Variants in CDH13 observed in about 807,000 individuals in gnomAD.
CDH13 encodes the protein cadherin-13.
Under a neutral mutation model 63.8 loss-of-function variants are expected in CDH13, and 24 were observed. The ratio of observed to expected loss-of-function variants is 0.38; its 90% CI spans 0.27 to 0.53. The LOEUF is 0.53. CDH13 is among the 20% of genes least tolerant of loss of function. CDH13 has a pLI of 0.85. For synonymous variants in CDH13, 503 were observed against 355.3 expected (o/e 1.42, Z -4.67); for missense variants, 1,049 against 903.1 (o/e 1.16, Z -2.07).
intron 10 of CDH13, among the ~76,000 whole-genome samples, chr16:83,709,021 C>T (rs1047510721): frequency 6.6e-6 from 1 of 151,836 alleles, no homozygotes; most frequent in Non-Finnish European, 1.5e-5. Context: ...GAGACCCTGT[C>T]TCAAAAAATT....
chr16:83,334,355 TCTCTCTCACACACACA>T (rs1423252786), intron 5 of CDH13, among the ~76,000 whole-genome samples: 1 of 56,272 alleles, frequency 1.8e-5, no homozygotes. Context: ...TCTCTCTCTC[TCTCTCTCACACACACA>T]CACACACACA....
At position 83,485,893 on chromosome 16, in the gene CDH13, AGCACCCTTGGAGGCCGAG is replaced by A. The variant is rs2073875843; in HGVS notation, c.782-580_782-563del. Among the ~76,000 whole-genome samples, 4 of 152,320 alleles carry A rather than the reference AGCACCCTTGGAGGCCGAG, an allele frequency of 2.6e-5. No homozygotes were observed. The South Asian group carries it at 8.3e-4, about 32-fold the overall frequency. On this transcript the variant is annotated intron_variant, in intron 6 of 13. Coordinates refer to ENST00000567109, the MANE Select transcript of CDH13 (RefSeq NM_001257.5). ...TGGCTAGATGGAATCTTGTAATCCC[AGCACCCTTGGAGGCCGAG>A]GCAGGTGGATCAGCTGAGGTCAGGA...
At chr16:83,324,733 A>G (rs996469419) in intron 5 of CDH13, among the ~76,000 whole-genome samples, 1 of 152,218 alleles carries the variant, frequency 6.6e-6, no homozygotes, top group African/African-American at 2.4e-5. Context: ...GTGTGGGGAC[A>G]CATGTTTTTA....
chr16:83,009,630 G>A (rs1407951186), intron 2 of CDH13, among the ~76,000 whole-genome samples: 1 of 152,102 alleles, frequency 6.6e-6, no homozygotes, highest in Non-Finnish European at 1.5e-5. Context: ...TATTCTCTCT[G>A]CATATTTAAT....
intron 3 of CDH13, chr16:83,032,452 A>G: frequency 1.9e-6 from 1 of 514,194 alleles, no homozygotes; most frequent in Non-Finnish European, 3.5e-6. Context: ...TATTTTAGGG[A>G]TACTTCTGCC....
intron 1 of CDH13, among the ~76,000 whole-genome samples, chr16:82,726,290 T>G (rs2151028742): frequency 6.6e-6 from 1 of 152,258 alleles, no homozygotes; most frequent in Middle Eastern, 3.4e-3. Flanking sequence ...CTATAAGATC[T>G]TCATCACAGC....
intron 3 of CDH13, among the ~76,000 whole-genome samples, chr16:83,093,721 G>A (rs1008200433): frequency 1.3e-5 from 2 of 152,156 alleles, no homozygotes; most frequent in African/African-American, 4.8e-5. Context: ...GAATTTGCTA[G>A]GCGCTTGTAC....
chr16:83,332,453 C>G (rs1260531075), intron 5 of CDH13, among the ~76,000 whole-genome samples: 1 of 151,998 alleles, frequency 6.6e-6, no homozygotes, highest in Non-Finnish European at 1.5e-5. Context: ...AACAAAATGA[C>G]TTTAAAACTG....
chr16:83,222,109 C>T (rs2039717488), intron 5 of CDH13, among the ~76,000 whole-genome samples: 1 of 152,228 alleles, frequency 6.6e-6, no homozygotes, highest in African/African-American at 2.4e-5. Context: ...GTCTATCACA[C>T]TCAATTCTAG....
At chr16:82,999,633 C>T (rs1243850199) in intron 2 of CDH13, among the ~76,000 whole-genome samples, 1 of 152,052 alleles carries the variant, frequency 6.6e-6, no homozygotes, top group African/African-American at 2.4e-5. Flanking sequence ...ATATCATTGG[C>T]TACATAAAAT....
chr16:83,346,655 T>G (rs1229402728), intron 6 of CDH13, among the ~76,000 whole-genome samples: 1 of 152,226 alleles, frequency 6.6e-6, no homozygotes, highest in African/African-American at 2.4e-5. Flanking sequence ...TGCCTGTCCT[T>G]AAAGTTTAGA....
At chr16:83,228,240 C>T (rs528435576) in intron 5 of CDH13, among the ~76,000 whole-genome samples, 1 of 152,194 alleles carries the variant, frequency 6.6e-6, no homozygotes, top group Non-Finnish European at 1.5e-5. Context: ...CTGTTATTGC[C>T]ATCTGGTGGG....
intron 1 of CDH13, among the ~76,000 whole-genome samples, chr16:82,775,494 G>A (rs968234302): frequency 3.3e-5 from 5 of 152,136 alleles, no homozygotes; most frequent in Admixed American, 1.3e-4. Flanking sequence ...AACATTTACT[G>A]ACACCTTGGA....
At chr16:83,562,469 A>G (rs1567766058) in intron 7 of CDH13, among the ~76,000 whole-genome samples, 1 of 152,352 alleles carries the variant, frequency 6.6e-6, no homozygotes, top group South Asian at 2.1e-4. Context: ...TTTGGATTCT[A>G]TGTATTTTTA....
intron 1 of CDH13, among the ~76,000 whole-genome samples, chr16:82,668,373 A>T (rs558565128): frequency 6.6e-6 from 1 of 152,230 alleles, no homozygotes; most frequent in South Asian, 2.1e-4. Flanking sequence ...CTAAGCTGTT[A>T]TTGGTTCTAG....
chr16:83,310,088 T>C (rs1020586348), intron 5 of CDH13, among the ~76,000 whole-genome samples: 3 of 152,198 alleles, frequency 2.0e-5, no homozygotes, highest in African/African-American at 4.8e-5. Context: ...TTATGAAAGA[T>C]AGACTATTTT....
chr16:82,807,845 A>G (rs2037229092), intron 1 of CDH13, among the ~76,000 whole-genome samples: 1 of 152,186 alleles, frequency 6.6e-6, no homozygotes, highest in Non-Finnish European at 1.5e-5. Context: ...ACTTTTAACA[A>G]ACTTTATTTA....
chr16:83,211,309 T>C (rs1002028937), intron 4 of CDH13, among the ~76,000 whole-genome samples: 6 of 152,196 alleles, frequency 3.9e-5, no homozygotes, highest in African/African-American at 1.2e-4. Flanking sequence ...GAAGGGTACA[T>C]GGGAACTCTG....
chr16:83,113,884 G>T (rs1403577583), intron 3 of CDH13, among the ~76,000 whole-genome samples: 1 of 152,174 alleles, frequency 6.6e-6, no homozygotes, highest in African/African-American at 2.4e-5. Context: ...AAGCCTGCTG[G>T]ATCTTCCTGG....
Sources: allele counts gnomAD v4.1 joint callset (sites outside exome capture counted in the v4.1 genomes callset), GRCh38; gene constraint gnomAD v4.1.1; transcripts MANE v1.5; gene names NCBI Gene and HGNC (gene_info 2026-07-23, HGNC 2026-07-21).